Variants in DNMBP observed in about 807,000 individuals in gnomAD.
The protein encoded by DNMBP is dynamin binding protein.
In DNMBP, 87 loss-of-function variants were observed where a neutral mutation model predicts 150.0. The ratio of observed to expected loss-of-function variants is 0.58; its 90% CI spans 0.49 to 0.69. DNMBP has a LOEUF of 0.69. DNMBP is among the 30% of genes least tolerant of loss of function. DNMBP has a pLI of 0.00. For synonymous variants in DNMBP, 711 were observed against 750.4 expected (o/e 0.95, Z 0.86); for missense variants, 1,774 against 1,949.0 (o/e 0.91, Z 1.69).
chr10:100,000,173 T>C (rs1276689601), intron 1 of DNMBP, among the ~76,000 whole-genome samples: 6 of 152,174 alleles, frequency 3.9e-5, no homozygotes, highest in African/African-American at 2.4e-5. Flanking sequence ...AGAATACTTA[T>C]TGTTCGGAAA....
chr10:100,001,324 G>A (rs897746837), intron 1 of DNMBP, among the ~76,000 whole-genome samples: 2 of 146,482 alleles, frequency 1.4e-5, no homozygotes, highest in Non-Finnish European at 3.0e-5. Context: ...CCTCACCATA[G>A]GGATGTTCAC....
chr10:99,894,516 A>G (rs1415814190), intron 11 of DNMBP, among the ~76,000 whole-genome samples: 1 of 152,158 alleles, frequency 6.6e-6, no homozygotes, highest in Non-Finnish European at 1.5e-5. Flanking sequence ...ATAAATTGGG[A>G]GCTGAAGTGA....
At chr10:99,894,734 A>C (rs2039625660) in intron 11 of DNMBP, among the ~76,000 whole-genome samples, 1 of 152,192 alleles carries the variant, frequency 6.6e-6, no homozygotes, top group African/African-American at 2.4e-5. Flanking sequence ...GGGTGGAAAA[A>C]GTTGGGCTGC....
intron 11 of DNMBP, 112 bp from the exon 12 acceptor site, chr10:99,889,065 T>G (rs1487268532): frequency 8.0e-7 from 1 of 1,254,352 alleles, no homozygotes; most frequent in Admixed American, 2.6e-5. Flanking sequence ...TAATTTGAAA[T>G]TTTCTAACTA....
At chr10:100,004,465 TA>T (rs1341781230) in intron 1 of DNMBP, among the ~76,000 whole-genome samples, 1 of 152,012 alleles carries the variant, frequency 6.6e-6, no homozygotes, top group East Asian at 1.9e-4. Context: ...ACTGACAGAC[TA>T]ATGGAACAAA....
chr10:99,958,498 G>A (rs1259407363), intron 3 of DNMBP: 1 of 152,142 alleles, frequency 6.6e-6, no homozygotes, highest in Non-Finnish European at 1.5e-5. Flanking sequence ...TAGATATCTG[G>A]CAGATGTTTC....
chr10:99,878,771 A>C (rs1343863560), intron 16 of DNMBP, among the ~76,000 whole-genome samples: 1 of 152,176 alleles, frequency 6.6e-6, no homozygotes, highest in Non-Finnish European at 1.5e-5. Flanking sequence ...CAAAGGCAAC[A>C]AACGGTGCAG....
intron 4 of DNMBP, among the ~76,000 whole-genome samples, chr10:99,935,170 G>A (rs2040214926): frequency 6.6e-6 from 1 of 150,682 alleles, no homozygotes; most frequent in Non-Finnish European, 1.5e-5. Context: ...AAAAGGAAAT[G>A]AGCAGCAGAA....
At chr10:99,954,924 A>G (rs1355388829) in intron 4 of DNMBP, among the ~76,000 whole-genome samples, 1 of 148,854 alleles carries the variant, frequency 6.7e-6, no homozygotes, top group African/African-American at 2.5e-5. Flanking sequence ...GTGATGGCGC[A>G]TGTCTGCAAT....
intron 1 of DNMBP, among the ~76,000 whole-genome samples, chr10:100,000,876 A>C (rs1321064441): frequency 2.0e-5 from 3 of 147,624 alleles, no homozygotes; most frequent in Admixed American, 6.7e-5. Flanking sequence ...AAAAAAAAAA[A>C]AAAAAAAAAA....
At position 99,957,155 on chromosome 10, in the gene DNMBP, G is replaced by C; in HGVS notation, c.319C>G (p.Arg107Gly). 1 of 1,609,880 alleles carries C rather than the reference G, an allele frequency of 6.2e-7. No homozygotes were observed. Among genetic ancestry groups the C allele is most frequent in the Non-Finnish European group, 8.5e-7 (1 of 1,179,978 alleles). The change falls in exon 4 of 17, where the codon CGA (arginine) becomes GGA (glycine). Residue 107 changes from arginine (R) to glycine (G), a missense_variant. Transcript: ENST00000324109. ...GIPTAGWLQG[R>G]SCWGARGFFP... is the part of the protein sequence containing the mutation. ...AAGCCCCGTGCGCCCCAGCAGCTTC[G>C]GCCCTGCAGCCAGCCTGCAGTGGGA... is the stretch of plus-strand genomic sequence containing the variant.
chr10:99,987,471 C>A (rs571142656), intron 1 of DNMBP, among the ~76,000 whole-genome samples: 5 of 152,150 alleles, frequency 3.3e-5, no homozygotes, highest in Admixed American at 6.5e-5. Flanking sequence ...CAGTGGTTCA[C>A]GCCTGTAATC....
intron 4 of DNMBP, chr10:99,929,482 A>G: frequency 3.4e-6 from 2 of 593,068 alleles, no homozygotes; most frequent in Non-Finnish European, 3.0e-6. Flanking sequence ...TTCTCACTCA[A>G]GGTGCACTTG....
chr10:99,906,372 T>C (rs1224669873), intron 6 of DNMBP, among the ~76,000 whole-genome samples: 1 of 152,162 alleles, frequency 6.6e-6, no homozygotes, highest in Non-Finnish European at 1.5e-5. Flanking sequence ...TTGTTGTATA[T>C]GGTGTCATGG....
In DNMBP at chr10:99,898,744, A is replaced by G. The variant is rs781192000; in HGVS notation, c.2719T>C (p.Trp907Arg). Residue 907 changes from tryptophan to arginine, a missense_variant and splice_region_variant, in exon 8 of 17, where the codon TGG (tryptophan) becomes CGG (arginine). Physicochemically the swap from Trp to Arg is moderately radical, Grantham distance 101. Around this residue, in one of 2 missense-constraint regions of DNMBP, gnomAD observed 1,430 missense variants for 1,492.5 expected, o/e 0.96. Coordinates refer to ENST00000324109, the MANE Select transcript of DNMBP (RefSeq NM_015221.4). ...ACATCAAGCAGCAATGGAACTTACCATTCGTTGTATAGGCTCCTGCAAGGC... is the reference window on the plus strand; with the variant it reads ...ACATCAAGCAGCAATGGAACTTACCGTTCGTTGTATAGGCTCCTGCAAGGC... ...LADLKSLYNE[W>R]GCTNYINLGS... 2 of 1,613,950 alleles carry G rather than the reference A, an allele frequency of 1.2e-6. No individual in the cohort carries two copies. Among genetic ancestry groups the G allele is most frequent in the South Asian group, 1.1e-5 (1 of 91,074 alleles).
intron 4 of DNMBP, 78 bp downstream of exon 4, chr10:99,955,136 C>T (rs2040469618): frequency 1.6e-6 from 2 of 1,256,276 alleles, no homozygotes; most frequent in East Asian, 2.3e-5. Context: ...GTAACATATC[C>T]CTAAAAAGCC....
intron 1 of DNMBP, among the ~76,000 whole-genome samples, chr10:100,008,536 TAA>T (rs2041099594): frequency 6.6e-6 from 1 of 152,198 alleles, no homozygotes; most frequent in Non-Finnish European, 1.5e-5. Context: ...CCAACCCTGA[TAA>T]AGTGACTGAG....
At chr10:99,994,779 T>C (rs945054817) in intron 1 of DNMBP, among the ~76,000 whole-genome samples, 1 of 152,226 alleles carries the variant, frequency 6.6e-6, no homozygotes, top group Non-Finnish European at 1.5e-5. Flanking sequence ...GCATTACTGT[T>C]AAATCCTTTA....
chr10:99,912,146 A>G (rs1275018824), intron 4 of DNMBP, among the ~76,000 whole-genome samples: 1 of 151,954 alleles, frequency 6.6e-6, no homozygotes, highest in Non-Finnish European at 1.5e-5. Context: ...GTCTGAGGTT[A>G]TATAGTGAGT....
Sources: gnomAD v4.1 joint callset for allele counts (sites outside exome capture counted in the v4.1 genomes callset) on GRCh38, gnomAD v4.1.1 for gene constraint, gnomAD v4.1.1 regional missense constraint, MANE v1.5 for transcripts, NCBI Gene and HGNC (gene_info 2026-07-23, HGNC 2026-07-21) for gene names.